The following DLGAP2 variants were observed in gnomAD, a reference collection of about 807,000 sequenced individuals.
DLGAP2 encodes DLG associated protein 2.
A neutral mutation model predicts 100.3 loss-of-function variants in DLGAP2; 26 were observed. The observed-to-expected ratio is 0.26, with a 90% CI of 0.19 to 0.36. The LOEUF is 0.36. Ranked by LOEUF, DLGAP2 falls within the 10% of genes least tolerant of loss-of-function variation. The pLI is 1.00. For synonymous variants in DLGAP2, 886 were observed against 630.1 expected, an observed-to-expected ratio of 1.41 and a Z score of -6.08; for missense variants, 1,858 against 1,453.2, an observed-to-expected ratio of 1.28 and a Z score of -4.53.
In DLGAP2 at chr8:1,220,551, G is replaced by A. The variant is rs146256460; in HGVS notation, c.74-38300G>A. ...TGTTATCAATCTTGGAATATGTGCC[G>A]TGTGGAGATGAGACTATATATTCTG... On this transcript the variant is annotated intron_variant, in intron 2 of 14. Coordinates refer to ENST00000637795, the MANE Select transcript of DLGAP2 (RefSeq NM_001346810.2). Among the ~76,000 whole-genome samples, 418 of 152,246 alleles carry A rather than the reference G, an allele frequency of 2.7e-3. 3 individuals carry two copies. Among genetic ancestry groups the A allele is most frequent in the African/African-American group, 9.4e-3 (392 of 41,560 alleles).
intron 7 of DLGAP2, among the ~76,000 whole-genome samples, chr8:1,630,959 G>T (rs1290117431): frequency 9.6e-6 from 1 of 103,786 alleles, no homozygotes; most frequent in Non-Finnish European, 2.3e-5. Flanking sequence ...AGGTCCCAGT[G>T]TCCCGAGGGT....
chr8:1,270,436 C>G (rs1198074650), intron 3 of DLGAP2, among the ~76,000 whole-genome samples: 6 of 152,188 alleles, frequency 3.9e-5, no homozygotes, highest in Non-Finnish European at 5.9e-5. Flanking sequence ...CTTTAAAAAT[C>G]ATTTTCAGTA....
chr8:1,486,467 A>C (rs1799238931), intron 3 of DLGAP2, among the ~76,000 whole-genome samples: 1 of 152,200 alleles, frequency 6.6e-6, no homozygotes, highest in South Asian at 2.1e-4. Flanking sequence ...CATGTTCCAC[A>C]GGCTCTGAAA....
intron 1 of DLGAP2, among the ~76,000 whole-genome samples, chr8:790,895 G>T (rs997257474): frequency 6.6e-6 from 1 of 152,020 alleles, no homozygotes; most frequent in Admixed American, 6.6e-5. Flanking sequence ...ACAGGTGCAC[G>T]CCACCATGCC....
intron 2 of DLGAP2, among the ~76,000 whole-genome samples, chr8:1,029,948 A>T (rs1411440013): frequency 6.6e-6 from 1 of 152,030 alleles, no homozygotes; most frequent in Non-Finnish European, 1.5e-5. Context: ...TGGTGCAGAG[A>T]CCCGGTTAAG....
At chr8:1,385,671 G>A (rs1387684645) in intron 3 of DLGAP2, among the ~76,000 whole-genome samples, 1 of 80,108 alleles carries the variant, frequency 1.2e-5, no homozygotes, top group Non-Finnish European at 2.7e-5. Context: ...ACCCCGGCCT[G>A]TGCCCGTCCC....
intron 1 of DLGAP2, among the ~76,000 whole-genome samples, chr8:775,113 T>G (rs1265694092): frequency 1.3e-5 from 2 of 152,196 alleles, no homozygotes; most frequent in African/African-American, 2.4e-5. Context: ...TTGAAGCAAT[T>G]GTGAATGGGA....
intron 3 of DLGAP2, among the ~76,000 whole-genome samples, chr8:1,331,288 T>G (rs1245261747): frequency 6.6e-6 from 1 of 152,108 alleles, no homozygotes; most frequent in Non-Finnish European, 1.5e-5. Context: ...GAAGCCACAG[T>G]GTCTGGGGTT....
In DLGAP2 at chr8:1,164,115, C is replaced by CCCA. The variant is rs1563224018; in HGVS notation, c.74-94736_74-94735insCCA. 1.2e-3 allele frequency among the ~76,000 whole-genome samples: 151 copies of CCCA among 128,634 alleles called. 40 individuals are homozygous for CCCA. Among genetic ancestry groups the CCCA allele is most frequent in the East Asian group, 5.0e-3 (24 of 4,792 alleles). 84.4% of individuals were successfully genotyped at this position (128,634 alleles called of 152,430 possible). ...CTGGGGACAGATTTTTCTGTGAGCC[C>CCCA]GCAGGGCCCGTCATTTTGGTTTGTG... On this transcript the variant is annotated intron_variant, in intron 2 of 14. Transcript: ENST00000637795.
intron 2 of DLGAP2, among the ~76,000 whole-genome samples, chr8:1,246,554 T>G (rs1201754209): frequency 6.6e-6 from 1 of 152,216 alleles, no homozygotes; most frequent in Non-Finnish European, 1.5e-5. Context: ...AATTAAATAC[T>G]GGGTTTTTAC....
intron 2 of DLGAP2, among the ~76,000 whole-genome samples, chr8:986,296 A>AT (rs1219148184): frequency 6.6e-6 from 1 of 152,214 alleles, no homozygotes; most frequent in African/African-American, 2.4e-5. Flanking sequence ...CCTTTATGCT[A>AT]ATGGCAATGT....
intron 8 of DLGAP2, among the ~76,000 whole-genome samples, chr8:1,651,121 C>T (rs1035086488): frequency 5.9e-5 from 9 of 152,218 alleles, no homozygotes; most frequent in African/African-American, 1.9e-4. Flanking sequence ...CGTCCACATT[C>T]TGAAGATAAA....
At chr8:784,155 C>A (rs1247459925) in intron 1 of DLGAP2, among the ~76,000 whole-genome samples, 1 of 152,202 alleles carries the variant, frequency 6.6e-6, no homozygotes, top group Admixed American at 6.5e-5. Flanking sequence ...TGGGAAAAAT[C>A]TCATTAAGAG....
chr8:741,877 G>A (rs763760785), intron 1 of DLGAP2, among the ~76,000 whole-genome samples: 2 of 152,316 alleles, frequency 1.3e-5, no homozygotes, highest in South Asian at 2.1e-4. Context: ...GAAAAACAGC[G>A]GGAAAGGTGT....
intron 2 of DLGAP2, among the ~76,000 whole-genome samples, chr8:1,187,024 G>A (rs961224561): frequency 2.0e-5 from 3 of 151,564 alleles, no homozygotes; most frequent in African/African-American, 7.3e-5. Flanking sequence ...GCAGGTGGCG[G>A]TCGTGGGCCT....
At chr8:1,628,801 C>G (rs895383151) in intron 7 of DLGAP2, among the ~76,000 whole-genome samples, 1 of 150,938 alleles carries the variant, frequency 6.6e-6, no homozygotes, top group East Asian at 2.0e-4. Flanking sequence ...GATTAAGAGC[C>G]TGAGCCGACC....
intron 2 of DLGAP2, among the ~76,000 whole-genome samples, chr8:933,171 G>A (rs938337468): frequency 6.6e-5 from 10 of 152,212 alleles, no homozygotes; most frequent in African/African-American, 2.4e-4. Context: ...ATGGGTGGTC[G>A]GGTTGTGACG....
intron 4 of DLGAP2, among the ~76,000 whole-genome samples, chr8:1,512,105 C>T (rs1054679316): frequency 7.2e-5 from 11 of 152,204 alleles, no homozygotes; most frequent in African/African-American, 1.7e-4. Flanking sequence ...TGAGGGCCGA[C>T]GGCCTCCCTA....
chr8:1,068,116 G>A (rs6559207), intron 2 of DLGAP2, among the ~76,000 whole-genome samples: 69 of 152,112 alleles, frequency 4.5e-4, no homozygotes, highest in African/African-American at 2.4e-5. Flanking sequence ...CGGTGCCTTC[G>A]TGTCTTTTCC....
Sources: allele counts gnomAD v4.1 joint callset (sites outside exome capture counted in the v4.1 genomes callset), GRCh38; gene constraint gnomAD v4.1.1; transcripts MANE v1.5; gene names NCBI Gene and HGNC (gene_info 2026-07-23, HGNC 2026-07-21).